The following ROBO2 variants were observed in gnomAD, a reference collection of about 807,000 sequenced individuals.
ROBO2 encodes roundabout guidance receptor 2.
A neutral mutation model predicts 160.8 loss-of-function variants in ROBO2; 53 were observed. That is an observed-to-expected ratio of 0.33 (90% CI 0.26 to 0.41). The LOEUF is 0.41. Ranked by LOEUF, ROBO2 falls within the 10% of genes least tolerant of loss-of-function variation. The pLI, the probability that ROBO2 is intolerant of heterozygous loss-of-function variation, is 1.00. For missense variants in ROBO2, 1,577 were observed against 1,722.4 expected (o/e 0.92, Z 1.49); for synonymous variants, 664 against 611.7 (o/e 1.09, Z -1.26).
intron 2 of ROBO2, among the ~76,000 whole-genome samples, chr3:76,868,458 A>G (rs556762052): frequency 1.3e-5 from 2 of 152,322 alleles, no homozygotes; most frequent in African/African-American, 2.4e-5. Context: ...ACGTTCATTA[A>G]TACATTAAAA....
intron 2 of ROBO2, among the ~76,000 whole-genome samples, chr3:76,735,497 C>T (rs2093693976): frequency 1.3e-5 from 2 of 152,124 alleles, no homozygotes; most frequent in Admixed American, 6.5e-5. Context: ...CACAGTGTCT[C>T]ACGCCTGTAA....
At chr3:76,270,274 TC>T (rs1379328566) in intron 2 of ROBO2, among the ~76,000 whole-genome samples, 1 of 152,070 alleles carries the variant, frequency 6.6e-6, no homozygotes, top group Non-Finnish European at 1.5e-5. Flanking sequence ...TACACATTTC[TC>T]CCCTGCCTAG....
chr3:75,965,315 T>A (rs910628342), intron 2 of ROBO2, among the ~76,000 whole-genome samples: 1 of 151,814 alleles, frequency 6.6e-6, no homozygotes, highest in African/African-American at 2.4e-5. Flanking sequence ...TACAAGTTTA[T>A]GTAGGTTGGC....
intron 2 of ROBO2, among the ~76,000 whole-genome samples, chr3:77,175,388 G>A (rs1343210250): frequency 6.6e-6 from 1 of 151,968 alleles, no homozygotes; most frequent in Non-Finnish European, 1.5e-5. Context: ...GCATGAAATA[G>A]GAACAGAAAT....
intron 2 of ROBO2, among the ~76,000 whole-genome samples, chr3:76,082,099 C>T (rs773373801): frequency 2.6e-5 from 4 of 152,082 alleles, no homozygotes; most frequent in Non-Finnish European, 4.4e-5. Context: ...GTCACTGAGC[C>T]GTATGCCCAA....
chr3:76,323,815 C>T (rs572790128), intron 2 of ROBO2, among the ~76,000 whole-genome samples: 1 of 152,192 alleles, frequency 6.6e-6, no homozygotes, highest in African/African-American at 2.4e-5. Context: ...GCACATGCCT[C>T]CTTGTCTGTC....
chr3:75,925,697 T>A (rs976274664), intron 1 of ROBO2, among the ~76,000 whole-genome samples: 1 of 152,208 alleles, frequency 6.6e-6, no homozygotes, highest in Non-Finnish European at 1.5e-5. Context: ...ACTCTTTATA[T>A]TAGGTATGTA....
intron 2 of ROBO2, among the ~76,000 whole-genome samples, chr3:76,651,808 C>G: frequency 6.6e-6 from 1 of 152,144 alleles, no homozygotes; most frequent in Admixed American, 6.5e-5. Context: ...TCTAGCTACC[C>G]TTGGACCTCA....
intron 2 of ROBO2, among the ~76,000 whole-genome samples, chr3:76,697,913 T>C (rs1350084873): frequency 6.6e-6 from 1 of 152,160 alleles, no homozygotes; most frequent in African/African-American, 2.4e-5. Flanking sequence ...TTAAAAAATT[T>C]GGAAGAATTG....
At chr3:76,668,171 C>G (rs2092126240) in intron 2 of ROBO2, among the ~76,000 whole-genome samples, 1 of 152,238 alleles carries the variant, frequency 6.6e-6, no homozygotes, top group South Asian at 2.1e-4. Context: ...CCCATTATGG[C>G]TCACTGCAGC....
chr3:77,573,943 A>G (rs1336700786), intron 13 of ROBO2, among the ~76,000 whole-genome samples: 2 of 151,810 alleles, frequency 1.3e-5, no homozygotes, highest in Non-Finnish European at 2.9e-5. Flanking sequence ...TCAGCTCATG[A>G]GGGCAGGGGC....
chr3:76,215,916 T>C (rs1423158679), intron 2 of ROBO2, among the ~76,000 whole-genome samples: 2 of 152,050 alleles, frequency 1.3e-5, no homozygotes, highest in Non-Finnish European at 2.9e-5. Context: ...GAGAGAAAGG[T>C]CAGGTAACCC....
At chr3:76,667,598 T>C (rs1025179368) in intron 2 of ROBO2, among the ~76,000 whole-genome samples, 1 of 152,160 alleles carries the variant, frequency 6.6e-6, no homozygotes, top group Non-Finnish European at 1.5e-5. Flanking sequence ...ATTTGACATA[T>C]TTTAATTGAA....
chr3:76,401,427 G>A (rs1286841730), intron 2 of ROBO2, among the ~76,000 whole-genome samples: 1 of 151,410 alleles, frequency 6.6e-6, no homozygotes, highest in Non-Finnish European at 1.5e-5. Context: ...AGTTTAAAAG[G>A]TTATTGGGTA....
chr3:76,968,690 G>A (rs961500880), intron 2 of ROBO2, among the ~76,000 whole-genome samples: 14 of 152,186 alleles, frequency 9.2e-5, no homozygotes, highest in Non-Finnish European at 1.5e-4. Flanking sequence ...TTTGAGGCTT[G>A]TAGGCTATTA....
intron 2 of ROBO2, among the ~76,000 whole-genome samples, chr3:76,294,221 G>T (rs1384930631): frequency 5.3e-5 from 8 of 152,156 alleles, no homozygotes; most frequent in Non-Finnish European, 1.0e-4. Context: ...GGGCCTCCCA[G>T]AGTGCAGAGA....
chr3:76,811,741 C>T (rs1217514776), intron 2 of ROBO2, among the ~76,000 whole-genome samples: 1 of 152,024 alleles, frequency 6.6e-6, no homozygotes, highest in African/African-American at 2.4e-5. Flanking sequence ...GACTGCTTGT[C>T]TGGCTTTTTG....
At position 76,252,756 on chromosome 3, in the gene ROBO2, T is replaced by TAC. The variant is rs1491520176; in HGVS notation, c.109+315155_109+315156insCA. On this transcript the variant is annotated intron_variant, in intron 2 of 26. Coordinates refer to the ROBO2 transcript ENST00000487694. ...CATATATATAAAACGCATGTATATG[T>TAC]ATACACACACACACACACACACACA... 3.7e-4 allele frequency among the ~76,000 whole-genome samples: 51 copies of TAC among 137,908 alleles called. No homozygotes were observed. In the East Asian group the frequency reaches 5.0e-3, roughly 13 times the overall value. The allele number at this position is 137,908 out of a possible 152,430, so 90.5% of individuals were successfully genotyped here. A position where few individuals can be genotyped will look rare whatever the true frequency, so the allele number is the denominator to read the frequency against.
At chr3:77,293,757 C>T (rs1219048238) in intron 2 of ROBO2, among the ~76,000 whole-genome samples, 3 of 139,412 alleles carry the variant, frequency 2.2e-5, no homozygotes, top group Non-Finnish European at 3.0e-5. Flanking sequence ...GGCTAGATCA[C>T]CCCAGACATA....
Sources: gnomAD v4.1 joint callset for allele counts (sites outside exome capture counted in the v4.1 genomes callset) on GRCh38, gnomAD v4.1.1 for gene constraint, MANE v1.5 for transcripts, NCBI Gene and HGNC (gene_info 2026-07-23, HGNC 2026-07-21) for gene names.